XKR4: variants seen among roughly 807,000 people sequenced by gnomAD.
XKR4 encodes XK related 4.
In XKR4, 12 loss-of-function variants were observed where a neutral mutation model predicts 53.9. The ratio of observed to expected loss-of-function variants is 0.22; its 90% CI spans 0.14 to 0.36. The LOEUF (loss-of-function observed/expected upper bound fraction) is 0.36, where lower values mean the gene tolerates loss of function less well. Among genes scored for constraint, XKR4 ranks in the 10% least tolerant of loss-of-function variants. XKR4 has a pLI of 1.00. For synonymous variants in XKR4, 354 were observed against 362.4 expected (o/e 0.98, Z 0.26); for missense variants, 799 against 859.5 (o/e 0.93, Z 0.88).
chr8:55,424,940 T>TA (rs34106871), intron 2 of XKR4, among the ~76,000 whole-genome samples: 1 of 152,152 alleles, frequency 6.6e-6, no homozygotes, highest in African/African-American at 2.4e-5. Flanking sequence ...TGCCACGGTT[T>TA]AAAAAAATGG....
Position 55,219,359 on chromosome 8 carries a change from C to A in XKR4, c.806+116065C>A, listed in dbSNP as rs144503515. On this transcript the variant is annotated intron_variant, in intron 1 of 2. Coordinates refer to ENST00000327381, the MANE Select transcript of XKR4 (RefSeq NM_052898.2). ...GCTGAGAGTAGCAATTCATTCTTGG[C>A]AAAGGCTCCCCTATGGCTTGGATTA... 5.5e-3 allele frequency among the ~76,000 whole-genome samples: 836 copies of A among 152,278 alleles called. 5 individuals carry two copies. Among genetic ancestry groups the A allele is most frequent in the Non-Finnish European group, 8.2e-3 (557 of 68,022 alleles).
chr8:55,136,438 A>AT (rs973815534), intron 1 of XKR4, among the ~76,000 whole-genome samples: 9 of 152,150 alleles, frequency 5.9e-5, no homozygotes, highest in Admixed American at 3.3e-4. Context: ...ATATCCTTTA[A>AT]TTTTTTTCCT....
At chr8:55,454,563 G>A in intron 2 of XKR4, 1 of 1,440,456 alleles carries the variant, frequency 6.9e-7, no homozygotes. Flanking sequence ...GCAGGGAGTC[G>A]GCCAGTGGAG....
intron 2 of XKR4, among the ~76,000 whole-genome samples, chr8:55,506,338 A>G (rs920808679): frequency 6.6e-6 from 1 of 152,132 alleles, no homozygotes; most frequent in South Asian, 2.1e-4. Flanking sequence ...AAAATCAGAT[A>G]CCAGCCACAA....
chr8:55,500,632 A>C (rs879708447), intron 2 of XKR4, among the ~76,000 whole-genome samples: 11 of 152,178 alleles, frequency 7.2e-5, no homozygotes, highest in Non-Finnish European at 1.6e-4. Flanking sequence ...CACCATCACT[A>C]TTCCCTCTCA....
At chr8:55,294,171 G>A (rs546633121) in intron 1 of XKR4, among the ~76,000 whole-genome samples, 2 of 152,162 alleles carry the variant, frequency 1.3e-5, no homozygotes, top group Non-Finnish European at 2.9e-5. Context: ...CTCACGATTT[G>A]TTCATTTCTG....
In XKR4 at chr8:55,441,080, AAT is replaced by A. The variant is rs1442667034; in HGVS notation, c.1007-82200_1007-82199del. ...TCATCTCTACAAAAAAAAAAAAAAA[AAT>A]GTTTAAAATTAGCCAGGCATGCTAA... On this transcript the variant is annotated intron_variant, in intron 2 of 2. Transcript: ENST00000327381. Among the ~76,000 whole-genome samples the A allele has an allele frequency of 2.2e-5, 3 of 138,686 alleles. No individual in the cohort carries two copies. The East Asian group carries it at 6.0e-4, about 28-fold the overall frequency. The allele number at this position is 138,686 out of a possible 152,430, so 91.0% of individuals were successfully genotyped here. A position where few individuals can be genotyped will look rare whatever the true frequency, so the allele number is the denominator to read the frequency against.
intron 1 of XKR4, among the ~76,000 whole-genome samples, chr8:55,346,726 T>TGTGTGTGTGTGTG (rs1803650392): frequency 1.5e-4 from 23 of 149,154 alleles, no homozygotes; most frequent in South Asian, 4.3e-4. Context: ...TGTGTGTGTG[T>TGTGTGTGTGTGTG]TTAGAAAGCT....
chr8:55,303,817 T>A (rs1819245662), intron 1 of XKR4, among the ~76,000 whole-genome samples: 1 of 152,258 alleles, frequency 6.6e-6, no homozygotes, highest in South Asian at 2.1e-4. Context: ...GATGGTAGTT[T>A]GTATTTCTGT....
At chr8:55,484,011 C>T (rs1470758599) in intron 2 of XKR4, among the ~76,000 whole-genome samples, 1 of 152,116 alleles carries the variant, frequency 6.6e-6, no homozygotes, top group African/African-American at 2.4e-5. Flanking sequence ...AGAAACATCA[C>T]TACAGACCAT....
chr8:55,445,875 T>C (rs1448716493), intron 2 of XKR4, among the ~76,000 whole-genome samples: 1 of 152,224 alleles, frequency 6.6e-6, no homozygotes, highest in Non-Finnish European at 1.5e-5. Context: ...GTACGAAGCC[T>C]TGCTAAATAG....
At chr8:55,161,643 G>C in intron 1 of XKR4, 1 of 456,286 alleles carries the variant, frequency 2.2e-6, no homozygotes, top group Non-Finnish European at 4.4e-6. Flanking sequence ...AGTGGGGATT[G>C]GGTAAGTGAA....
At chr8:55,251,413 G>A (rs191503073) in intron 1 of XKR4, among the ~76,000 whole-genome samples, 1 of 152,328 alleles carries the variant, frequency 6.6e-6, no homozygotes, top group Non-Finnish European at 1.5e-5. Context: ...ATAAGTGGCA[G>A]TTGGCTCTTT....
At chr8:55,437,355 G>C (rs1805191239) in intron 2 of XKR4, among the ~76,000 whole-genome samples, 1 of 152,058 alleles carries the variant, frequency 6.6e-6, no homozygotes, top group Admixed American at 6.6e-5. Flanking sequence ...TAAGGGAGGA[G>C]GTTTCTACCC....
intron 1 of XKR4, among the ~76,000 whole-genome samples, chr8:55,303,146 A>C (rs1174157731): frequency 7.2e-5 from 11 of 152,012 alleles, no homozygotes; most frequent in Non-Finnish European, 1.3e-4. Context: ...TCATAGATAG[A>C]TCTTATTATT....
chr8:55,465,809 A>T (rs1391674710), intron 2 of XKR4, among the ~76,000 whole-genome samples: 1 of 151,508 alleles, frequency 6.6e-6, no homozygotes, highest in African/African-American at 2.4e-5. Flanking sequence ...AAACAACCCC[A>T]TCAAAAAGTG....
chr8:55,489,364 C>A (rs1200039605), intron 2 of XKR4, among the ~76,000 whole-genome samples: 2 of 152,078 alleles, frequency 1.3e-5, no homozygotes, highest in Non-Finnish European at 2.9e-5. Context: ...AACCATGTTA[C>A]CCTTTCAAAA....
intron 1 of XKR4, among the ~76,000 whole-genome samples, chr8:55,284,260 T>C (rs1000557337): frequency 1.4e-4 from 22 of 152,236 alleles, no homozygotes; most frequent in African/African-American, 4.8e-4. Context: ...TTAATATTTG[T>C]AAATGTTATT....
intron 1 of XKR4, among the ~76,000 whole-genome samples, chr8:55,332,559 T>C (rs1803397153): frequency 6.6e-6 from 1 of 152,088 alleles, no homozygotes; most frequent in Non-Finnish European, 1.5e-5. Flanking sequence ...GAAAGGACAG[T>C]GTTGCCAGAT....
Sources: allele counts gnomAD v4.1 joint callset (sites outside exome capture counted in the v4.1 genomes callset), GRCh38; gene constraint gnomAD v4.1.1; transcripts MANE v1.5; gene names NCBI Gene and HGNC (gene_info 2026-07-23, HGNC 2026-07-21).